RHBDF2: variants seen among roughly 807,000 people sequenced by gnomAD.
The protein encoded by RHBDF2 is inactive rhomboid protein 2.
A neutral mutation model predicts 95.2 loss-of-function variants in RHBDF2; 38 were observed. That is an observed-to-expected ratio of 0.40 (90% CI 0.31 to 0.52). The LOEUF is 0.52. Ranked by LOEUF, RHBDF2 falls within the 20% of genes least tolerant of loss-of-function variation. The pLI is 0.56. For missense variants in RHBDF2, 863 were observed against 1,137.7 expected (o/e 0.76, Z 3.47); for synonymous variants, 442 against 462.0 (o/e 0.96, Z 0.55).
intron 17 of RHBDF2, 69 bp downstream of exon 17, chr17:76,472,936 C>T: frequency 6.3e-7 from 1 of 1,599,446 alleles, no homozygotes. Flanking sequence ...GCCCAGGAAC[C>T]TTTCCCCAGG....
At chr17:76,480,017 G>GAA (rs770432118) in intron 3 of RHBDF2, 163 bp from the exon 4 acceptor site, 11 of 126,522 alleles carry the variant, frequency 8.7e-5, no homozygotes, top group Admixed American at 4.4e-4. Flanking sequence ...ATGTGTGTGT[G>GAA]TGTGTGTGTG....
Position 76,471,679 on chromosome 17 carries a change from G to C in RHBDF2, c.2438C>G (p.Thr813Ser). ...CTCATACTTCTCGCAGAAGCGGCTG[G>C]TGAAGGGGAAGCAGGTGAGGTGCTC... ...WIEHLTCFPF[T>S]SRFCEKYELD... Residue 813 changes from threonine (T) to serine (S), a missense_variant, in exon 19 of 19, where the codon ACC (threonine) becomes AGC (serine). Coordinates refer to ENST00000675367, the MANE Select transcript of RHBDF2 (RefSeq NM_001005498.4). 6.2e-7 allele frequency: 1 copy of C among 1,610,936 alleles called. No homozygotes were observed. Among genetic ancestry groups the C allele is most frequent in the Non-Finnish European group, 8.5e-7 (1 of 1,178,784 alleles).
At chr17:76,472,374 C>T (rs895824728) in intron 18 of RHBDF2, 1 of 585,024 alleles carries the variant, frequency 1.7e-6, no homozygotes, top group Non-Finnish European at 3.1e-6. Flanking sequence ...TGGAACTGAT[C>T]AGACTGCCGA....
intron 1 of RHBDF2, among the ~76,000 whole-genome samples, chr17:76,491,434 G>GC (rs1322880160): frequency 4.0e-5 from 6 of 151,174 alleles, no homozygotes; most frequent in Admixed American, 3.3e-4. Flanking sequence ...CAATCAGTTG[G>GC]GGGGGGGTCC....
intron 1 of RHBDF2, among the ~76,000 whole-genome samples, chr17:76,495,209 G>A (rs1166865719): frequency 1.3e-5 from 2 of 152,232 alleles, no homozygotes; most frequent in African/African-American, 2.4e-5. Context: ...GTTGGGGCAG[G>A]ATGAGATGCA....
intron 1 of RHBDF2, among the ~76,000 whole-genome samples, chr17:76,489,111 G>A (rs1257330775): frequency 6.6e-6 from 1 of 152,026 alleles, no homozygotes; most frequent in Admixed American, 6.5e-5. Flanking sequence ...GGGTGACAGA[G>A]CAAGACTCCG....
intron 1 of RHBDF2, 67 bp downstream of exon 1, chr17:76,501,286 C>A (rs1213303297): frequency 6.6e-6 from 1 of 152,214 alleles, no homozygotes; most frequent in Admixed American, 6.5e-5. Context: ...GGCACAACCT[C>A]GGGACCCTTC....
intron 1 of RHBDF2, among the ~76,000 whole-genome samples, chr17:76,500,707 C>G (rs2074556136): frequency 6.6e-6 from 1 of 152,172 alleles, no homozygotes; most frequent in South Asian, 2.1e-4. Context: ...GGAACTTATC[C>G]GTCTCTATCC....
chr17:76,475,524 C>T (rs2073742850), intron 9 of RHBDF2, among the ~76,000 whole-genome samples: 1 of 152,148 alleles, frequency 6.6e-6, no homozygotes, highest in Non-Finnish European at 1.5e-5. Context: ...CAGCTGTTCA[C>T]TCTCCCTCTC....
chr17:76,479,116 C>G lies in RHBDF2; in HGVS notation c.434G>C (p.Gly145Ala). 1 of 1,613,680 alleles carries G rather than the reference C, an allele frequency of 6.2e-7. No homozygotes were observed. The change falls in exon 5 of 19, where the codon GGC becomes GCC. Residue 145 changes from glycine to alanine, a missense_variant. Gly to Ala is a moderately conservative substitution (Grantham distance 60, BLOSUM62 0). This residue lies in a region of RHBDF2 where 611 missense variants were observed against 725.5 expected (regional missense o/e 0.84). Coordinates refer to ENST00000675367, the MANE Select transcript of RHBDF2 (RefSeq NM_001005498.4). ...LPSQEAPSFQ[G>A]TESPKPCKMP... ...CTTGCAGGGCTTTGGGGACTCAGTG[C>G]CCTGGAAGGACGGTGCCTCCTGGCT...
intron 4 of RHBDF2, 124 bp downstream of exon 4, chr17:76,479,609 T>C: frequency 1.3e-6 from 1 of 752,396 alleles, no homozygotes; most frequent in Non-Finnish European, 2.3e-6. Flanking sequence ...GAGACATTGC[T>C]CATTAATGCC....
intron 2 of RHBDF2, among the ~76,000 whole-genome samples, chr17:76,484,079 T>G (rs962653445): frequency 7.2e-5 from 11 of 152,136 alleles, no homozygotes; most frequent in Non-Finnish European, 1.3e-4. Flanking sequence ...ATGACCAACA[T>G]GGAGAAACCC....
chr17:76,472,450 C>G (rs2073611176), intron 18 of RHBDF2: 1 of 629,636 alleles, frequency 1.6e-6, no homozygotes, highest in Admixed American at 2.5e-5. Context: ...AGGCAGTGGG[C>G]ACGGTTAGGA....
chr17:76,480,049 A>ATGTG (rs1425382195), intron 3 of RHBDF2, 195 bp from the exon 4 acceptor site: 2 of 69,286 alleles, frequency 2.9e-5, no homozygotes, highest in Non-Finnish European at 6.0e-5. Flanking sequence ...GTGTTTGTAT[A>ATGTG]TGTATATATA....
At chr17:76,480,074 T>TA (rs1567879928) in intron 3 of RHBDF2, 1 of 23,826 alleles carries the variant, frequency 4.2e-5, no homozygotes, top group Non-Finnish European at 8.6e-5. Flanking sequence ...TATATATATT[T>TA]TTTTTTTTTT....
chr17:76,486,115 C>CACACACAT (rs1484804849), intron 2 of RHBDF2, among the ~76,000 whole-genome samples: 58 of 143,718 alleles, frequency 4.0e-4, no homozygotes, highest in Non-Finnish European at 8.0e-4. Context: ...CACACACACA[C>CACACACAT]ATATAGTTTT....
rs1359888394 is a variant in RHBDF2 at position 76,478,967 on chromosome 17, C to A, written c.511G>T (p.Glu171Ter). 6.3e-7 allele frequency: 1 copy of A among 1,593,972 alleles called. No homozygotes were observed. The highest frequency in any genetic ancestry group is 1.3e-5 in the African/African-American group (1 of 74,726). ...GGGGCGTGGGGCCTGTCCATCTCCT[C>A]CGGGTGGCGGAAGGCCCGGCCCCGG... is the stretch of plus-strand genomic sequence containing the variant. ...LARGRAFRHP[E>*]EMDRPHAPHP... Residue 171 changes from glutamate (E) to a stop codon, truncating the protein, a stop_gained, in exon 6 of 19, where the codon GAG (glutamate) becomes TAG (stop). Coordinates refer to ENST00000675367, the MANE Select transcript of RHBDF2 (RefSeq NM_001005498.4). LOFTEE classifies it high-confidence loss of function.
intron 9 of RHBDF2, 43 bp from the exon 10 acceptor site, chr17:76,475,184 C>T (rs2144084401): frequency 6.9e-7 from 1 of 1,450,834 alleles, no homozygotes; most frequent in East Asian, 2.4e-5. Flanking sequence ...AGCTCCTATC[C>T]CAACCCCCAG....
chr17:76,480,981 C>T (rs2144199082), intron 3 of RHBDF2, among the ~76,000 whole-genome samples: 1 of 152,346 alleles, frequency 6.6e-6, no homozygotes, highest in South Asian at 2.1e-4. Flanking sequence ...GAAGCGGACA[C>T]TGCCTAGGCG....
Sources: gnomAD v4.1 joint callset for allele counts (sites outside exome capture counted in the v4.1 genomes callset) on GRCh38, gnomAD v4.1.1 for gene constraint, gnomAD v4.1.1 regional missense constraint, MANE v1.5 for transcripts, NCBI Gene and HGNC (gene_info 2026-07-23, HGNC 2026-07-21) for gene names.